HMGCS1: variants seen among roughly 807,000 people sequenced by gnomAD.
HMGCS1 encodes the protein 3-hydroxy-3-methylglutaryl-CoA synthase 1.
A neutral mutation model predicts 52.3 loss-of-function variants in HMGCS1; 9 were observed. That is an observed-to-expected ratio of 0.17 (90% confidence interval 0.10 to 0.30). HMGCS1 has a LOEUF of 0.30. Among genes scored for constraint, HMGCS1 ranks in the 10% least tolerant of loss-of-function variants. The pLI, the probability that HMGCS1 is intolerant of heterozygous loss-of-function variation, is 1.00. For missense variants in HMGCS1, 320 were observed against 620.9 expected (o/e 0.52, Z 5.15); for synonymous variants, 176 against 214.4 (o/e 0.82, Z 1.57).
intron 2 of HMGCS1, among the ~76,000 whole-genome samples, chr5:43,301,357 T>C (rs1212215331): frequency 6.6e-6 from 1 of 152,188 alleles, no homozygotes; most frequent in Non-Finnish European, 1.5e-5. Flanking sequence ...AAATTTATCA[T>C]GAAGATAGTA....
chr5:43,304,596 T>C (rs530993034), intron 2 of HMGCS1, among the ~76,000 whole-genome samples: 59 of 152,364 alleles, frequency 3.9e-4, no homozygotes, highest in African/African-American at 1.2e-3. Flanking sequence ...TTCTTTGTAT[T>C]ATAGTACTCC....
intron 1 of HMGCS1, among the ~76,000 whole-genome samples, chr5:43,308,563 G>C (rs1754692881): frequency 6.6e-6 from 1 of 152,134 alleles, no homozygotes; most frequent in South Asian, 2.1e-4. Flanking sequence ...TAAGCATTTA[G>C]ACAAAGGAGC....
At chr5:43,303,436 C>T (rs953669921) in intron 2 of HMGCS1, among the ~76,000 whole-genome samples, 5 of 152,244 alleles carry the variant, frequency 3.3e-5, no homozygotes, top group African/African-American at 1.2e-4. Flanking sequence ...AGGAGGAGAG[C>T]CCTGATCGGG....
At chr5:43,300,802 GAAAAAAA>G (rs34564699) in intron 2 of HMGCS1, among the ~76,000 whole-genome samples, 3 of 120,426 alleles carry the variant, frequency 2.5e-5, no homozygotes, top group African/African-American at 5.9e-5. Context: ...ATAGAGAAAG[GAAAAAAA>G]AAAAAAAAAA....
intron 1 of HMGCS1, 119 bp downstream of exon 1, chr5:43,313,237 G>A (rs1280364687): frequency 3.9e-5 from 6 of 152,450 alleles, no homozygotes; most frequent in East Asian, 3.9e-4. Context: ...CCACGCCTAC[G>A]TCCTGACCCA....
At chr5:43,300,715 A>G (rs921338989) in intron 2 of HMGCS1, among the ~76,000 whole-genome samples, 1 of 151,182 alleles carries the variant, frequency 6.6e-6, no homozygotes, top group Non-Finnish European at 1.5e-5. Flanking sequence ...GGATCACTTG[A>G]GCCCAGGAGT....
intron 10 of HMGCS1, among the ~76,000 whole-genome samples, chr5:43,291,844 T>C (rs751419295): frequency 3.3e-5 from 5 of 152,162 alleles, no homozygotes; most frequent in Non-Finnish European, 7.3e-5. Flanking sequence ...ATTTTGACCA[T>C]GATCTGGGAT....
intron 5 of HMGCS1, 68 bp from the exon 6 acceptor site, chr5:43,295,985 A>T (rs1754012942): frequency 8.4e-7 from 1 of 1,191,430 alleles, no homozygotes; most frequent in Non-Finnish European, 1.2e-6. Context: ...TTGACTTTAG[A>T]ATAAAGCTAG....
intron 2 of HMGCS1, among the ~76,000 whole-genome samples, chr5:43,304,136 A>G (rs779138367): frequency 3.3e-5 from 5 of 152,242 alleles, no homozygotes; most frequent in Non-Finnish European, 7.3e-5. Context: ...GATAGTCCAC[A>G]AGAAAGAGCC....
Position 43,294,698 on chromosome 5 carries a change from G to A in HMGCS1, c.1069C>T (p.Leu357=), listed in dbSNP as rs1753946087. 6.2e-7 allele frequency: 1 copy of A among 1,606,836 alleles called. No individual in the cohort carries two copies. Among genetic ancestry groups the A allele is most frequent in the Non-Finnish European group, 8.5e-7 (1 of 1,175,710 alleles). Residue 357 remains leucine (L), a synonymous_variant, in exon 7 of 11, where the codon CTA becomes TTA. Transcript: ENST00000325110. The part of the protein sequence containing the change: ...SSVYGSLASV[L]AQYSPQQLAG... ...GGTGAAATTTATACTTACTGTGCTA[G>A]AACAGATGCAAGGGAACCATATACT...
chr5:43,299,091 T>C (rs1412964260), intron 2 of HMGCS1, 116 bp from the exon 3 acceptor site: 1 of 726,878 alleles, frequency 1.4e-6, no homozygotes, highest in Non-Finnish European at 2.2e-6. Context: ...TATTAGTTTC[T>C]TTAAGTTTAG....
chr5:43,302,297 A>G (rs1579655903), intron 2 of HMGCS1, among the ~76,000 whole-genome samples: 7 of 152,200 alleles, frequency 4.6e-5, no homozygotes, highest in Admixed American at 3.3e-4. Context: ...ACTTACCTAC[A>G]TAACCCTCCC....
chr5:43,298,553 T>C lies in HMGCS1; in HGVS notation c.413A>G (p.Asn138Ser). 2.5e-6 allele frequency: 4 copies of C among 1,614,030 alleles called. No homozygotes were observed. Among genetic ancestry groups the C allele is most frequent in the Non-Finnish European group, 3.4e-6 (4 of 1,179,882 alleles). The change falls in exon 3 of 11, where the codon AAT (asparagine) becomes AGT (serine). Residue 138 changes from asparagine (N) to serine (S), a missense_variant. Asn to Ser is a conservative substitution (Grantham distance 46). This residue lies in a region of HMGCS1 where 85 missense variants were observed against 260.0 expected (regional missense o/e 0.33). Transcript: ENST00000325110. This position sits in a 1 kb window ranked among gnomAD's most constrained non-coding sequence, Gnocchi z 5.6. ...GCTGGACTCAATCCAGTTAACAGCA[T>C]TGAAGACAGCAGCTGTGCCTCCATA... ...ACYGGTAAVFNAVNWIESSSW... is the reference protein window; with the variant it reads ...ACYGGTAAVFSAVNWIESSSW...
At chr5:43,291,242 T>G in intron 10 of HMGCS1, 22 bp from the exon 11 acceptor site, 1 of 1,411,420 alleles carries the variant, frequency 7.1e-7, no homozygotes, top group Non-Finnish European at 1.0e-6. Context: ...GGAAAAAAGT[T>G]GATGGCTCTT....
In HMGCS1 at chr5:43,292,564, C is replaced by T; in HGVS notation, c.1383G>A (p.Lys461=). Residue 461 remains lysine (K), a synonymous_variant, in exon 10 of 11, where the codon AAG becomes AAA. Transcript: ENST00000325110. ...GTWYLVRVDE[K]HRRTYARRPT... Reference sequence around the variant, plus strand: ...GACGCCGAGCGTAAGTTCTTCTGTGCTTTTCATCCACCCTAACTAAGTACC... The same window carrying T: ...GACGCCGAGCGTAAGTTCTTCTGTGTTTTTCATCCACCCTAACTAAGTACC... 6.2e-7 allele frequency: 1 copy of T among 1,613,888 alleles called. No individual in the cohort carries two copies. Among genetic ancestry groups the T allele is most frequent in the Non-Finnish European group, 8.5e-7 (1 of 1,179,788 alleles).
rs1395422622 is a variant in HMGCS1, at chr5:43,298,288, AG to A, written c.449-155del. 1 of 734,766 alleles carries A rather than the reference AG, an allele frequency of 1.4e-6. No homozygotes were observed. The highest frequency in any genetic ancestry group is 2.7e-5 in the East Asian group (1 of 36,642). 45.5% of individuals were successfully genotyped at this position (734,766 alleles called of 1,614,324 possible). A position where few individuals can be genotyped will look rare whatever the true frequency, so the allele number is the denominator to read the frequency against. ...ATTTTTTTTTAAAATTCATCTGCCA[AG>A]GCTCTGTCATCCATCTGACTAAATT... On this transcript the variant is annotated intron_variant, in intron 3 of 10. Transcript: ENST00000325110. The surrounding 1 kb of genome is among the most constrained non-coding windows in gnomAD (Gnocchi z 5.6).
At position 43,298,031 on chromosome 5, in the gene HMGCS1, A is replaced by G; in HGVS notation, c.552T>C (p.Asn184=). Residue 184 remains asparagine, a synonymous_variant, in exon 4 of 11, where the codon AAT becomes AAC. Transcript: ENST00000325110. This position sits in a 1 kb window ranked among gnomAD's most constrained non-coding sequence, Gnocchi z 5.6. ...TACCTCGTTCAAAAATTAAAGGAGCATTTGGCCCAATTAGCAGAGCTACTG... is the reference window on the plus strand; with the variant it reads ...TACCTCGTTCAAAAATTAAAGGAGCGTTTGGCCCAATTAGCAGAGCTACTG... ...VGAVALLIGP[N]APLIFERGLR... 1 of 1,613,878 alleles carries G rather than the reference A, an allele frequency of 6.2e-7. No individual in the cohort carries two copies. Among genetic ancestry groups the G allele is most frequent in the Non-Finnish European group, 8.5e-7 (1 of 1,179,922 alleles).
At chr5:43,302,904 C>T (rs1196648561) in intron 2 of HMGCS1, among the ~76,000 whole-genome samples, 2 of 152,180 alleles carry the variant, frequency 1.3e-5, no homozygotes, top group Non-Finnish European at 2.9e-5. Flanking sequence ...GTATTAACAA[C>T]TCTGACTCCA....
chr5:43,295,546 T>C (rs773102688), intron 6 of HMGCS1, among the ~76,000 whole-genome samples: 2 of 152,178 alleles, frequency 1.3e-5, no homozygotes, highest in Non-Finnish European at 2.9e-5. Flanking sequence ...TCAGAAAATC[T>C]GAATAGAAAT....
Sources: allele counts gnomAD v4.1 joint callset (sites outside exome capture counted in the v4.1 genomes callset), GRCh38; gene constraint gnomAD v4.1.1; regional missense constraint gnomAD v4.1.1; non-coding constraint Gnocchi (gnomAD v3.1); transcripts MANE v1.5; gene names NCBI Gene and HGNC (gene_info 2026-07-23, HGNC 2026-07-21).